CDYL: variants seen among roughly 807,000 people sequenced by gnomAD.
CDYL encodes the protein chromodomain Y-like protein.
In CDYL, 8 loss-of-function variants were observed where a neutral mutation model predicts 47.3. That is an observed-to-expected ratio of 0.17 (90% confidence interval 0.10 to 0.31). The LOEUF (loss-of-function observed/expected upper bound fraction) is 0.31, where lower values mean the gene tolerates loss of function less well. CDYL is among the 10% of genes least tolerant of loss of function. The pLI, the probability that CDYL is intolerant of heterozygous loss-of-function variation, is 1.00. For synonymous variants in CDYL, 266 were observed against 265.0 expected, an observed-to-expected ratio of 1.00 and a Z score of -0.04; for missense variants, 471 against 701.4, an observed-to-expected ratio of 0.67 and a Z score of 3.71.
chr6:4,923,093 C>A (rs1391208097), intron 2 of CDYL, among the ~76,000 whole-genome samples: 6 of 152,172 alleles, frequency 3.9e-5, no homozygotes, highest in Admixed American at 2.6e-4. Flanking sequence ...CATTTAAAAT[C>A]TGCTCTATTT....
At chr6:4,752,485 G>T (rs541217483) in intron 3 of CDYL, among the ~76,000 whole-genome samples, 5 of 152,234 alleles carry the variant, frequency 3.3e-5, no homozygotes, top group African/African-American at 1.2e-4. Flanking sequence ...GGAAGATTTA[G>T]GTGCACAGAT....
At chr6:4,928,652 T>C (rs1023846980) in intron 2 of CDYL, 1 of 152,164 alleles carries the variant, frequency 6.6e-6, no homozygotes, top group African/African-American at 2.4e-5. Flanking sequence ...ATTTTCTTTC[T>C]TTTCTCTGTG....
intron 1 of CDYL, among the ~76,000 whole-genome samples, chr6:4,886,612 T>G (rs894474516): frequency 6.6e-6 from 1 of 152,198 alleles, no homozygotes; most frequent in East Asian, 1.9e-4. Context: ...ATGTTTGATA[T>G]AAGTCCCTTA....
intron 1 of CDYL, among the ~76,000 whole-genome samples, chr6:4,711,803 G>T (rs1320130165): frequency 6.6e-6 from 1 of 152,192 alleles, no homozygotes; most frequent in African/African-American, 2.4e-5. Context: ...AGTGGCTCAT[G>T]CCTGTAATCC....
At chr6:4,738,881 G>A (rs141057423) in intron 3 of CDYL, among the ~76,000 whole-genome samples, 3,463 of 152,316 alleles carry the variant, frequency 0.023, 50 homozygotes, top group Non-Finnish European at 0.033. Context: ...AAACAATGTG[G>A]CCGGGCGCAG....
intron 2 of CDYL, among the ~76,000 whole-genome samples, chr6:4,915,189 T>A (rs4144547): frequency 0.7 from 106,076 of 152,182 alleles, 39,867 homozygotes; most frequent in South Asian, 0.82. Context: ...TCCATGATGA[T>A]GAATAAATTC....
intron 2 of CDYL, among the ~76,000 whole-genome samples, chr6:4,719,644 G>A (rs1284392666): frequency 6.6e-6 from 1 of 152,170 alleles, no homozygotes; most frequent in East Asian, 1.9e-4. Flanking sequence ...ACAAAGACAG[G>A]AGAACGATGA....
At chr6:4,727,213 T>G (rs1011984627) in intron 2 of CDYL, among the ~76,000 whole-genome samples, 1 of 152,130 alleles carries the variant, frequency 6.6e-6, no homozygotes, top group Non-Finnish European at 1.5e-5. Flanking sequence ...ACCAGGAGTT[T>G]CCAGAGAAGT....
At chr6:4,871,645 CTG>C (rs1278526896) in intron 1 of CDYL, among the ~76,000 whole-genome samples, 2 of 152,150 alleles carry the variant, frequency 1.3e-5, no homozygotes, top group African/African-American at 4.8e-5. Flanking sequence ...CAAATATTGA[CTG>C]TGCATCTGTG....
At chr6:4,881,587 A>G (rs566992024) in intron 1 of CDYL, among the ~76,000 whole-genome samples, 1 of 152,220 alleles carries the variant, frequency 6.6e-6, no homozygotes, top group Non-Finnish European at 1.5e-5. Flanking sequence ...TAACAGTATA[A>G]TTCAATTGAG....
chr6:4,896,873 T>C (rs1581246391), intron 2 of CDYL, among the ~76,000 whole-genome samples: 1 of 152,344 alleles, frequency 6.6e-6, no homozygotes, highest in East Asian at 1.9e-4. Context: ...CACAGATATT[T>C]GAATATCTGT....
intron 3 of CDYL, among the ~76,000 whole-genome samples, chr6:4,752,288 G>T (rs1160673673): frequency 6.6e-6 from 1 of 152,196 alleles, no homozygotes; most frequent in African/African-American, 2.4e-5. Flanking sequence ...CAAGATGAAT[G>T]TTGTGAAGGG....
At chr6:4,942,767 AT>A (rs1414035237) in intron 4 of CDYL, among the ~76,000 whole-genome samples, 1 of 152,192 alleles carries the variant, frequency 6.6e-6, no homozygotes, top group African/African-American at 2.4e-5. Flanking sequence ...CATGGGCTTG[AT>A]TTATTAAACC....
At chr6:4,920,503 A>G (rs373308147) in intron 2 of CDYL, among the ~76,000 whole-genome samples, 1 of 152,348 alleles carries the variant, frequency 6.6e-6, no homozygotes, top group African/African-American at 2.4e-5. Flanking sequence ...CGGGTCATGC[A>G]AACAGTGGAG....
chr6:4,866,839 G>A (rs1309223718), intron 1 of CDYL, among the ~76,000 whole-genome samples: 4 of 151,886 alleles, frequency 2.6e-5, no homozygotes, highest in African/African-American at 4.8e-5. Flanking sequence ...CCCATACTAG[G>A]CCCAGAGAGT....
At chr6:4,780,483 G>A (rs538791226) in intron 1 of CDYL, among the ~76,000 whole-genome samples, 1 of 147,416 alleles carries the variant, frequency 6.8e-6, no homozygotes, top group African/African-American at 2.5e-5. Flanking sequence ...GGGCCAGGCT[G>A]GTCTCAAACT....
At chr6:4,820,327 G>C (rs1759798978) in intron 1 of CDYL, among the ~76,000 whole-genome samples, 1 of 152,218 alleles carries the variant, frequency 6.6e-6, no homozygotes, top group Admixed American at 6.5e-5. Context: ...TGAGACAACA[G>C]ATGTTAAAGA....
intron 2 of CDYL, among the ~76,000 whole-genome samples, chr6:4,897,654 C>T (rs1305426018): frequency 6.6e-6 from 1 of 151,972 alleles, no homozygotes; most frequent in Non-Finnish European, 1.5e-5. Context: ...TGGTGGCTCA[C>T]ACTTGTAATC....
chr6:4,888,412 T>G (rs1761955145), intron 1 of CDYL, among the ~76,000 whole-genome samples: 1 of 151,858 alleles, frequency 6.6e-6, no homozygotes, highest in Non-Finnish European at 1.5e-5. Flanking sequence ...TTCATCTGAG[T>G]TGTTAAAATT....
Sources: allele counts gnomAD v4.1 joint callset (sites outside exome capture counted in the v4.1 genomes callset), GRCh38; gene constraint gnomAD v4.1.1; transcripts MANE v1.5; gene names NCBI Gene and HGNC (gene_info 2026-07-23, HGNC 2026-07-21).